The following CC2D1B variants were observed in gnomAD, a reference collection of about 807,000 sequenced individuals.
CC2D1B encodes coiled-coil and C2 domain containing 1B, also known as coiled-coil and C2 domain-containing protein 1B.
A neutral mutation model predicts 110.8 loss-of-function variants in CC2D1B; 92 were observed. The ratio of observed to expected loss-of-function variants is 0.83; its 90% CI spans 0.70 to 0.99. The LOEUF (loss-of-function observed/expected upper bound fraction) is 0.99, where lower values mean the gene tolerates loss of function less well. Ranked by LOEUF, CC2D1B falls within the 50% of genes least tolerant of loss-of-function variation. The pLI is 0.00. For synonymous variants in CC2D1B, 406 were observed against 429.2 expected (o/e 0.95, Z 0.67); for missense variants, 1,136 against 1,089.0 (o/e 1.04, Z -0.61).
chr1:52,360,598 CT>C, intron 5 of CC2D1B, 49 bp from the exon 6 acceptor site: 1 of 1,587,316 alleles, frequency 6.3e-7, no homozygotes, highest in Non-Finnish European at 8.6e-7. Context: ...CCTGCTAGGC[CT>C]ACCATTCTCC....
In CC2D1B at chr1:52,362,674, G is replaced by C. The variant is rs1327732462; in HGVS notation, c.142C>G (p.Leu48Val). 6.2e-7 allele frequency: 1 copy of C among 1,614,048 alleles called. No homozygotes were observed. The highest frequency in any genetic ancestry group is 8.5e-7 in the Non-Finnish European group (1 of 1,180,038). ...GTGAGAGCCAGCAGCTCAGCCTCCA[G>C]GTCCTCATCATCTTCAGCCTCATCC... ...GMDEAEDDED[L>V]EAELLALTGE... Residue 48 changes from leucine to valine, a missense_variant, in exon 3 of 25, where the codon CTG becomes GTG. Coordinates refer to ENST00000284376, the MANE Select transcript of CC2D1B (RefSeq NM_001330585.2).
chr1:52,357,495 A>G, intron 15 of CC2D1B, 31 bp downstream of exon 15: 1 of 1,547,954 alleles, frequency 6.5e-7, no homozygotes. Flanking sequence ...TCCGCCTGAG[A>G]AGTCCTGGTG....
At chr1:52,354,562 T>C in intron 23 of CC2D1B, 46 bp downstream of exon 23, 1 of 1,509,920 alleles carries the variant, frequency 6.6e-7, no homozygotes, top group Non-Finnish European at 9.2e-7. Flanking sequence ...GCGTATTGGC[T>C]CTTGTCGTAC....
Position 52,359,088 on chromosome 1 carries a change from C to T in CC2D1B, c.1196G>A (p.Gly399Asp). 1 of 1,609,616 alleles carries T rather than the reference C, an allele frequency of 6.2e-7. No individual in the cohort carries two copies. The highest frequency in any genetic ancestry group is 8.5e-7 in the Non-Finnish European group (1 of 1,180,018). ...QQRLNKYREAGIQARSGGDER... is the reference protein window; with the variant it reads ...QQRLNKYREADIQARSGGDER... ...GTCCCCACCACTCCGGGCCTGGATGCCCGCCTCGCGGTACTTGTTCAGCCT... is the reference window on the plus strand; with the variant it reads ...GTCCCCACCACTCCGGGCCTGGATGTCCGCCTCGCGGTACTTGTTCAGCCT... Residue 399 changes from glycine to aspartate, a missense_variant, in exon 11 of 25, where the codon GGC becomes GAC. Transcript: ENST00000284376.
intron 13 of CC2D1B, 120 bp downstream of exon 13, chr1:52,358,211 T>C (rs1018873269): frequency 1.4e-6 from 2 of 1,401,772 alleles, no homozygotes; most frequent in African/African-American, 2.9e-5. Flanking sequence ...GTTTTTTCTC[T>C]GTACAGTGGA....
At position 52,359,760 on chromosome 1, in the gene CC2D1B, C is replaced by G. The variant is rs1048105463; in HGVS notation, c.887G>C (p.Ser296Thr). 1 of 1,610,862 alleles carries G rather than the reference C, an allele frequency of 6.2e-7. No individual in the cohort carries two copies. Among genetic ancestry groups the G allele is most frequent in the East Asian group, 2.2e-5 (1 of 44,738 alleles). ...GTCTAGCTCTCCAGCCCGCTTGGCA[C>G]TGAGGGCAGCCACTTTGTACTCTCT... ...RQREYKVAAL[S>T]AKRAGELDRA... The change falls in exon 8 of 25, where the codon AGT (serine) becomes ACT (threonine). Residue 296 changes from serine (S) to threonine (T), a missense_variant. Coordinates refer to ENST00000284376, the MANE Select transcript of CC2D1B (RefSeq NM_001330585.2).
At position 52,361,570 on chromosome 1, in the gene CC2D1B, C is replaced by CA; in HGVS notation, c.260dup (p.Met87IlefsTer34). 1 of 1,613,980 alleles carries CA rather than the reference C, an allele frequency of 6.2e-7. No individual in the cohort carries two copies. Among genetic ancestry groups the CA allele is most frequent in the Non-Finnish European group, 8.5e-7 (1 of 1,180,022 alleles). On this transcript the variant is annotated frameshift_variant, in exon 4 of 25. Coordinates refer to ENST00000284376, the MANE Select transcript of CC2D1B (RefSeq NM_001330585.2). LOFTEE classifies it high-confidence loss of function. ...CCTCCTCCTCCTCCTCCACATCCCG[C>CA]ATACAGTCTGCCGCCAACTTCTCGA...
rs1177020593 is a variant in CC2D1B, at chr1:52,359,231, T to C, written c.1126+19A>G. ...ATGCCTGCAGGTCCCCACGCCACAG[T>C]CCCACCATCCTGCCCTACCTGGGGT... On this transcript the variant is annotated intron_variant, in intron 10 of 24. Transcript: ENST00000284376. 6.2e-7 allele frequency: 1 copy of C among 1,611,022 alleles called. No homozygotes were observed. The highest frequency in any genetic ancestry group is 8.5e-7 in the Non-Finnish European group (1 of 1,178,080).
At chr1:52,355,085 G>A (rs1440874202) in intron 21 of CC2D1B, 146 bp from the exon 22 acceptor site, 16 of 684,110 alleles carry the variant, frequency 2.3e-5, no homozygotes, top group Admixed American at 4.8e-5. Context: ...AGAGCATCGC[G>A]GTCCTGGCCT....
Position 52,358,921 on chromosome 1 carries a change from G to C in CC2D1B, c.1257+106C>G. ...AGCAAGAGCCCCAGAGAGACAAACAGATGATGGTTCAGAAAAGACAAGGAC... is the reference window on the plus strand; with the variant it reads ...AGCAAGAGCCCCAGAGAGACAAACACATGATGGTTCAGAAAAGACAAGGAC... On this transcript the variant is annotated intron_variant, in intron 11 of 24. Coordinates refer to ENST00000284376, the MANE Select transcript of CC2D1B (RefSeq NM_001330585.2). 2.0e-6 allele frequency: 3 copies of C among 1,516,430 alleles called. No individual in the cohort carries two copies. The South Asian group carries it at 3.6e-5, about 18-fold the overall frequency. 93.9% of individuals were successfully genotyped at this position (1,516,430 alleles called of 1,614,324 possible). A position where few individuals can be genotyped will look rare whatever the true frequency, so the allele number is the denominator to read the frequency against.
chr1:52,361,413 A>T (rs1646779942), intron 4 of CC2D1B, 100 bp downstream of exon 4: 5 of 1,568,700 alleles, frequency 3.2e-6, no homozygotes, highest in Middle Eastern at 1.8e-4. Context: ...ACTCAGAGTC[A>T]GAGAATACAG....
intron 11 of CC2D1B, 52 bp from the exon 12 acceptor site, chr1:52,358,810 C>A (rs780655382): frequency 6.4e-7 from 1 of 1,551,910 alleles, no homozygotes; most frequent in East Asian, 2.3e-5. Context: ...CCACAGGCCC[C>A]CTGCCCAACA....
In CC2D1B at chr1:52,358,302, CAGCCCTGGAGTTG is replaced by C. The variant is rs1646698521; in HGVS notation, c.1461+16_1461+28del. ...ACCCCTCACCTGCTATTCTCCCCAC[CAGCCCTGGAGTTG>C]AGCCCTCAACCAAACCTCGTCCTCG... On this transcript the variant is annotated intron_variant, in intron 13 of 24. Transcript: ENST00000284376. 6.2e-7 allele frequency: 1 copy of C among 1,605,206 alleles called. No homozygotes were observed. The highest frequency in any genetic ancestry group is 1.1e-5 in the South Asian group (1 of 89,678).
intron 13 of CC2D1B, 44 bp from the exon 14 acceptor site, chr1:52,357,942 G>A: frequency 6.6e-7 from 1 of 1,521,050 alleles, no homozygotes; most frequent in East Asian, 2.3e-5. Context: ...GTGTTCCCTA[G>A]CATAGTCATG....
rs1355937482 is a variant in CC2D1B at position 52,351,184 on chromosome 1, T to G, written c.*2041A>C. The G allele has an allele frequency of 6.6e-6, 1 of 152,248 alleles. No individual in the cohort carries two copies. Among genetic ancestry groups the G allele is most frequent in the African/African-American group, 2.4e-5 (1 of 41,458 alleles). 9.4% of individuals were successfully genotyped at this position (152,248 alleles called of 1,614,324 possible). A position where few individuals can be genotyped will look rare whatever the true frequency, so the allele number is the denominator to read the frequency against. ...AATCTCCAAGTCTGGTGGGAGGCTT[T>G]GTCTTGCCTCGTCAGCCTGGAGGTT... On this transcript the variant is annotated 3_prime_UTR_variant, in exon 25 of 25. Transcript: ENST00000284376.
In CC2D1B at chr1:52,353,238, A is replaced by G; in HGVS notation, c.*2-15T>C. ...CTGGCCATCGGCTACACAGGGGTGC[A>G]AAGCACAAGAAGTCAGTCTAAACTG... is the stretch of plus-strand genomic sequence containing the variant. On this transcript the variant is annotated splice_polypyrimidine_tract_variant and intron_variant, in intron 24 of 24. Transcript: ENST00000284376. 7.2e-7 allele frequency: 1 copy of G among 1,385,334 alleles called. No homozygotes were observed. Among genetic ancestry groups the G allele is most frequent in the African/African-American group, 1.4e-5 (1 of 69,036 alleles). 85.8% of individuals were successfully genotyped at this position (1,385,334 alleles called of 1,614,324 possible).
At chr1:52,363,490 T>C (rs1646826680) in intron 2 of CC2D1B, among the ~76,000 whole-genome samples, 1 of 151,784 alleles carries the variant, frequency 6.6e-6, no homozygotes, top group South Asian at 2.1e-4. Context: ...TAAGGGTGAG[T>C]TCAATGGCAT....
At chr1:52,363,955 A>G (rs1261229754) in intron 2 of CC2D1B, among the ~76,000 whole-genome samples, 1 of 152,214 alleles carries the variant, frequency 6.6e-6, no homozygotes, top group Non-Finnish European at 1.5e-5. Flanking sequence ...TGCTGGGATT[A>G]CAGGCGTGAT....
intron 23 of CC2D1B, chr1:52,354,237 T>A: frequency 2.4e-6 from 1 of 408,624 alleles, no homozygotes. Context: ...AGCCCCAGCC[T>A]ACATAGGTTA....
Sources: allele counts gnomAD v4.1 joint callset (sites outside exome capture counted in the v4.1 genomes callset), GRCh38; gene constraint gnomAD v4.1.1; transcripts MANE v1.5; gene names NCBI Gene and HGNC (gene_info 2026-07-23, HGNC 2026-07-21).